The following EXOC6B variants were observed in gnomAD, a reference collection of about 807,000 sequenced individuals.
EXOC6B encodes SEC15 homolog B.
EXOC6B carries 54 observed loss-of-function variants against 113.5 expected under a neutral mutation model. That is an observed-to-expected ratio of 0.48 (90% CI 0.38 to 0.60). The LOEUF (loss-of-function observed/expected upper bound fraction) is 0.60. EXOC6B is among the 20% of genes least tolerant of loss of function. The pLI is 0.00. For missense variants in EXOC6B, 797 were observed against 977.5 expected (o/e 0.82, Z 2.46); for synonymous variants, 357 against 339.0 (o/e 1.05, Z -0.58).
intron 19 of EXOC6B, among the ~76,000 whole-genome samples, chr2:72,373,365 T>G (rs1691157217): frequency 6.6e-6 from 1 of 152,114 alleles, no homozygotes; most frequent in Admixed American, 6.6e-5. Flanking sequence ...TGGGCAGACA[T>G]TTCTTAATTA....
chr2:72,676,505 GA>G (rs904088972), intron 6 of EXOC6B, among the ~76,000 whole-genome samples: 8 of 150,996 alleles, frequency 5.3e-5, no homozygotes, highest in East Asian at 3.9e-4. Flanking sequence ...TACGCAGTAA[GA>G]AAAAAAAATA....
Position 72,530,816 on chromosome 2 carries a change from C to A in EXOC6B, c.916-15690G>T, listed in dbSNP as rs777097894. On this transcript the variant is annotated intron_variant, in intron 8 of 21. Coordinates refer to ENST00000272427, the MANE Select transcript of EXOC6B (RefSeq NM_015189.3). ...ACTTCTTGATGGATTGACCCTTTTA[C>A]CATTATATAATAAACCTCGGTCTCT... Among the ~76,000 whole-genome samples, 12 of 152,216 alleles carry A rather than the reference C, an allele frequency of 7.9e-5. No homozygotes were observed. In the South Asian group the frequency reaches 1.0e-3, roughly 13 times the overall value.
intron 18 of EXOC6B, among the ~76,000 whole-genome samples, chr2:72,406,749 C>A (rs955191001): frequency 1.3e-5 from 2 of 152,090 alleles, no homozygotes; most frequent in African/African-American, 4.8e-5. Flanking sequence ...CAAGAGAAAG[C>A]AGGAAAGATC....
chr2:72,215,934 C>G (rs531445110), intron 20 of EXOC6B, among the ~76,000 whole-genome samples: 2 of 152,166 alleles, frequency 1.3e-5, no homozygotes, highest in African/African-American at 4.8e-5. Context: ...AACCCTATTG[C>G]CTTCAGGGCA....
At chr2:72,385,934 C>A (rs1410453586) in intron 18 of EXOC6B, among the ~76,000 whole-genome samples, 1 of 152,082 alleles carries the variant, frequency 6.6e-6, no homozygotes, top group Non-Finnish European at 1.5e-5. Flanking sequence ...AGTATAGCTA[C>A]TATTGAAAAC....
intron 20 of EXOC6B, 135 bp downstream of exon 20, chr2:72,334,812 T>C (rs1688595557): frequency 3.7e-5 from 17 of 457,568 alleles, no homozygotes; most frequent in Non-Finnish European, 5.7e-5. Context: ...TGGCCTCAAA[T>C]ACAGGGAAAA....
chr2:72,810,536 T>C (rs932917956), intron 1 of EXOC6B, among the ~76,000 whole-genome samples: 4 of 151,702 alleles, frequency 2.6e-5, no homozygotes, highest in Non-Finnish European at 5.9e-5. Context: ...TAATCTATGC[T>C]CCTATACCAC....
At chr2:72,345,425 C>T (rs986711468) in intron 19 of EXOC6B, among the ~76,000 whole-genome samples, 1 of 152,050 alleles carries the variant, frequency 6.6e-6, no homozygotes, top group Non-Finnish European at 1.5e-5. Context: ...CTGGAAGCAA[C>T]CAAGATGTCC....
chr2:72,680,810 C>T (rs901717715), intron 6 of EXOC6B, among the ~76,000 whole-genome samples: 1 of 151,920 alleles, frequency 6.6e-6, no homozygotes, highest in East Asian at 1.9e-4. Flanking sequence ...TTTTATATAA[C>T]CCTTTTCCAT....
rs187418588 is a variant in EXOC6B, at chr2:72,405,359, A to G, written c.1981-25489T>C. ...TTCAGGAAATACAGAGAACGCCACA[A>G]AGATACTCCTGGAGAGGAGCAACTC... On this transcript the variant is annotated intron_variant, in intron 18 of 21. Coordinates refer to ENST00000272427, the MANE Select transcript of EXOC6B (RefSeq NM_015189.3). Among the ~76,000 whole-genome samples, 88 of 152,334 alleles carry G rather than the reference A, an allele frequency of 5.8e-4. 3 individuals carry two copies. The East Asian group carries it at 0.012, about 20-fold the overall frequency.
intron 20 of EXOC6B, among the ~76,000 whole-genome samples, chr2:72,214,184 T>C (rs369900633): frequency 6.6e-5 from 10 of 152,118 alleles, no homozygotes; most frequent in African/African-American, 2.4e-4. Flanking sequence ...CTAAGTATCC[T>C]CCCTTAAGAT....
At chr2:72,468,669 C>A (rs1292840351) in intron 17 of EXOC6B, among the ~76,000 whole-genome samples, 1 of 152,022 alleles carries the variant, frequency 6.6e-6, no homozygotes, top group African/African-American at 2.4e-5. Context: ...TTACTTTATT[C>A]CTATGAAAAA....
intron 19 of EXOC6B, among the ~76,000 whole-genome samples, chr2:72,372,998 C>T (rs1438344573): frequency 6.6e-6 from 1 of 151,536 alleles, no homozygotes; most frequent in African/African-American, 2.4e-5. Flanking sequence ...AAATCTAAGA[C>T]TTCAAACTAT....
chr2:72,534,310 A>G (rs1702164157), intron 8 of EXOC6B, among the ~76,000 whole-genome samples: 1 of 152,212 alleles, frequency 6.6e-6, no homozygotes, highest in Admixed American at 6.5e-5. Context: ...TAGATATAGC[A>G]CTAAAAATTA....
At chr2:72,435,341 T>C (rs956378894) in intron 18 of EXOC6B, among the ~76,000 whole-genome samples, 8 of 152,152 alleles carry the variant, frequency 5.3e-5, no homozygotes, top group Non-Finnish European at 1.2e-4. Context: ...TGGTCAATTT[T>C]GAGTAAGTCC....
At chr2:72,189,447 C>T (rs1678669165) in intron 20 of EXOC6B, among the ~76,000 whole-genome samples, 1 of 152,138 alleles carries the variant, frequency 6.6e-6, no homozygotes, top group Non-Finnish European at 1.5e-5. Flanking sequence ...TAATTTTGAT[C>T]ACCTGATTAA....
At chr2:72,631,449 TATATATATATATAGAGAGAGAGAGAG>T (rs1672427257) in intron 6 of EXOC6B, among the ~76,000 whole-genome samples, 5 of 58,192 alleles carry the variant, frequency 8.6e-5, no homozygotes, top group African/African-American at 1.9e-4. Flanking sequence ...TATATATATA[TATATATATATATAGAGAGAGAGAGAG>T]AGAGAGAGAG....
Position 72,389,495 on chromosome 2 carries a change from C to CT in EXOC6B, c.1981-9626dup, listed in dbSNP as rs144489688. ...CTACATATTTTTCATTTCTGGTATTCTTTGCTCCTCTATGTAGATGCAAGC... is the reference window on the plus strand; with the variant it reads ...CTACATATTTTTCATTTCTGGTATTCTTTTGCTCCTCTATGTAGATGCAAGC... On this transcript the variant is annotated intron_variant, in intron 18 of 21. Transcript: ENST00000272427. 2.5e-3 allele frequency among the ~76,000 whole-genome samples: 374 copies of CT among 152,038 alleles called. 2 individuals carry two copies. Among genetic ancestry groups the CT allele is most frequent in the African/African-American group, 8.3e-3 (345 of 41,534 alleles).
chr2:72,688,773 AC>A (rs1159899963), intron 6 of EXOC6B, among the ~76,000 whole-genome samples: 1 of 152,096 alleles, frequency 6.6e-6, no homozygotes. Flanking sequence ...TGTAAAAATC[AC>A]TCTTATAAGT....
Sources: gnomAD v4.1 joint callset for allele counts (sites outside exome capture counted in the v4.1 genomes callset) on GRCh38, gnomAD v4.1.1 for gene constraint, MANE v1.5 for transcripts, NCBI Gene and HGNC (gene_info 2026-07-23, HGNC 2026-07-21) for gene names.